Variants in ST13 observed in about 807,000 individuals in gnomAD.
ST13 encodes the protein ST13 Hsp70 interacting protein.
Under a neutral mutation model 56.7 loss-of-function variants are expected in ST13, and 23 were observed. The observed-to-expected ratio is 0.41, with a 90% CI of 0.29 to 0.57. ST13 has a LOEUF of 0.57. Among genes scored for constraint, ST13 ranks in the 20% least tolerant of loss-of-function variants. The pLI, the probability that ST13 is intolerant of heterozygous loss-of-function variation, is 0.36. For missense variants in ST13, 369 were observed against 459.9 expected (o/e 0.80, Z 1.81); for synonymous variants, 132 against 142.4 (o/e 0.93, Z 0.52).
At chr22:40,831,067 C>G in intron 8 of ST13, 111 bp from the exon 9 acceptor site, 2 of 744,554 alleles carry the variant, frequency 2.7e-6, no homozygotes, top group South Asian at 3.7e-5. Flanking sequence ...AGAAAAATGA[C>G]AGATTTGTCT....
At position 40,824,537 on chromosome 22, in the gene ST13, G is replaced by A. The variant is rs531606599; in HGVS notation, c.*2001C>T. Reference sequence around the variant, plus strand: ...GAAAACATTTCTGGTTTAGAATATTGAGTTGAAAATTAAGAATGTATATTA... The same window carrying A: ...GAAAACATTTCTGGTTTAGAATATTAAGTTGAAAATTAAGAATGTATATTA... On this transcript the variant is annotated 3_prime_UTR_variant, in exon 12 of 12. Coordinates refer to ENST00000216218, the MANE Select transcript of ST13 (RefSeq NM_003932.5). 3 of 152,268 alleles carry A rather than the reference G, an allele frequency of 2.0e-5. No homozygotes were observed. The highest frequency in any genetic ancestry group is 7.2e-5 in the African/African-American group (3 of 41,546). 9.4% of individuals were successfully genotyped at this position (152,268 alleles called of 1,614,324 possible).
chr22:40,840,729 A>G (rs769789862), intron 4 of ST13, 37 bp from the exon 5 acceptor site: 3 of 1,558,230 alleles, frequency 1.9e-6, no homozygotes, highest in Non-Finnish European at 2.6e-6. Flanking sequence ...GAATTAGTAG[A>G]GAGAGAGAGA....
rs1313281633 is a variant in ST13, at chr22:40,829,606, T to C, written c.847+20A>G. ...ACTGTATAATAGAACAAAACAGTTTTAACTTTTCTTTAAATATACCTGGAA... is the reference window on the plus strand; with the variant it reads ...ACTGTATAATAGAACAAAACAGTTTCAACTTTTCTTTAAATATACCTGGAA... On this transcript the variant is annotated intron_variant, in intron 10 of 11. Transcript: ENST00000216218. 11 of 1,379,130 alleles carry C rather than the reference T, an allele frequency of 8.0e-6. No individual in the cohort carries two copies. The highest frequency in any genetic ancestry group is 1.1e-5 in the Non-Finnish European group (11 of 1,029,878). 85.4% of individuals were successfully genotyped at this position (1,379,130 alleles called of 1,614,324 possible). A position where few individuals can be genotyped will look rare whatever the true frequency, so the allele number is the denominator to read the frequency against.
intron 3 of ST13, among the ~76,000 whole-genome samples, chr22:40,845,880 TGACA>T (rs2057828715): frequency 6.6e-6 from 1 of 152,178 alleles, no homozygotes; most frequent in African/African-American, 2.4e-5. Context: ...GACGCATGAC[TGACA>T]AACTATATAT....
Position 40,850,860 on chromosome 22 carries a change from G to A in ST13, c.131C>T (p.Pro44Leu), listed in dbSNP as rs758525095. The A allele has an allele frequency of 2.5e-6, 4 of 1,601,854 alleles. No individual in the cohort carries two copies. Among genetic ancestry groups the A allele is most frequent in the South Asian group, 1.1e-5 (1 of 88,790 alleles). The stretch of plus-strand genomic sequence containing the variant: ...TTCTGATTTAGCTTTCTGAGTAGCA[G>A]GTGGTACTTTACCACCCATGCTTGA... ...WVESMGGKVPPATQKAKSEEN... is the reference protein window; with the variant it reads ...WVESMGGKVPLATQKAKSEEN... The change falls in exon 2 of 12, where the codon CCT (proline) becomes CTT (leucine). Residue 44 changes from proline to leucine, a missense_variant. Transcript: ENST00000216218.
intron 9 of ST13, 76 bp from the exon 10 acceptor site, chr22:40,829,750 C>A (rs2057745457): frequency 4.0e-6 from 3 of 758,774 alleles, no homozygotes; most frequent in Non-Finnish European, 5.8e-6. Flanking sequence ...CCATGCAAGA[C>A]CATGAAAAAA....
rs1315211780 is a variant in ST13 at position 40,826,655 on chromosome 22, A to G, written c.993T>C (p.Val331=). The part of the protein sequence containing the change: ...EVLAAMQDPE[V]MVAFQDVAQN... ...GAGCCACATCCTGGAAAGCCACCAT[A>G]ACTTCTGGATCCTGAAAAGAAAGGG... The change falls in exon 12 of 12, where the codon GTT becomes GTC. Residue 331 remains valine, a synonymous_variant. Transcript: ENST00000216218. 1.9e-5 allele frequency: 30 copies of G among 1,609,904 alleles called. No individual in the cohort carries two copies. Among genetic ancestry groups the G allele is most frequent in the Non-Finnish European group, 2.4e-5 (28 of 1,179,804 alleles).
rs191782051 is a variant in ST13, at chr22:40,854,304, A to C, written c.110+2127T>G. On this transcript the variant is annotated intron_variant, in intron 1 of 11. Transcript: ENST00000216218. ...TCAGAGTTTATAAAAATCTTAGTTT[A>C]AATACAGAAATAAAGAGAAAAAGCT... Among the ~76,000 whole-genome samples the C allele has an allele frequency of 1.2e-3, 188 of 152,364 alleles. 1 individual carries two copies. Among genetic ancestry groups the C allele is most frequent in the Non-Finnish European group, 1.8e-4 (12 of 68,034 alleles).
At chr22:40,846,013 C>T (rs147954583) in intron 3 of ST13, among the ~76,000 whole-genome samples, 1 of 152,166 alleles carries the variant, frequency 6.6e-6, no homozygotes, top group East Asian at 1.9e-4. Context: ...CTTGGCTCAC[C>T]GTAACCTCTG....
At chr22:40,831,584 T>G (rs997289470) in intron 8 of ST13, among the ~76,000 whole-genome samples, 3 of 152,180 alleles carry the variant, frequency 2.0e-5, no homozygotes, top group African/African-American at 7.2e-5. Context: ...TGTTTACACT[T>G]TGCTGACAAA....
At chr22:40,843,182 C>G (rs1350656370) in intron 4 of ST13, among the ~76,000 whole-genome samples, 1 of 152,110 alleles carries the variant, frequency 6.6e-6, no homozygotes, top group African/African-American at 2.4e-5. Flanking sequence ...ATTTTAAAAA[C>G]ACCTAAAAAT....
chr22:40,826,741 TCTTA>T (rs975468474), intron 11 of ST13, 75 bp from the exon 12 acceptor site: 2 of 1,537,376 alleles, frequency 1.3e-6, no homozygotes, highest in Non-Finnish European at 1.8e-6. Context: ...AAATTCCATC[TCTTA>T]TTTAGACCTG....
intron 7 of ST13, 152 bp downstream of exon 7, chr22:40,835,408 G>T: frequency 5.1e-6 from 3 of 585,126 alleles, no homozygotes; most frequent in South Asian, 5.3e-5. Flanking sequence ...TTAAGCAGCT[G>T]TCTACAAGCT....
intron 2 of ST13, among the ~76,000 whole-genome samples, 154 bp downstream of exon 2, chr22:40,850,669 A>C (rs1373540715): frequency 6.6e-6 from 1 of 152,208 alleles, no homozygotes; most frequent in East Asian, 1.9e-4. Context: ...TCGGGTCTAC[A>C]AAGTTATAAA....
chr22:40,835,795 GT>G lies in ST13; in HGVS notation c.467+7del. 1.2e-6 allele frequency: 2 copies of G among 1,613,420 alleles called. No individual in the cohort carries two copies. Among genetic ancestry groups the G allele is most frequent in the Non-Finnish European group, 1.7e-6 (2 of 1,179,450 alleles). ...GCCAGGGGATGCTTTTCTGTTTAGA[GT>G]TCTCACCTGGCCCTCTTGGCATACA... On this transcript the variant is annotated splice_region_variant and intron_variant, in intron 6 of 11. Transcript: ENST00000216218.
chr22:40,844,791 C>A (rs2057822534), intron 4 of ST13, 48 bp downstream of exon 4: 1 of 1,446,772 alleles, frequency 6.9e-7, no homozygotes, highest in African/African-American at 1.4e-5. Flanking sequence ...AACAGCAGGA[C>A]CTTTCACATT....
In ST13 at chr22:40,852,679, T is replaced by A. The variant is rs559917953; in HGVS notation, c.111-1799A>T. ...CCCTTAATATGGAATAGCTCCCATGTCAAACATAAAGATTATATGATCCAA... is the reference window on the plus strand; with the variant it reads ...CCCTTAATATGGAATAGCTCCCATGACAAACATAAAGATTATATGATCCAA... On this transcript the variant is annotated intron_variant, in intron 1 of 11. Transcript: ENST00000216218. Among the ~76,000 whole-genome samples the A allele has an allele frequency of 2.6e-5, 4 of 152,336 alleles. No individual in the cohort carries two copies. In the South Asian group the frequency reaches 8.3e-4, roughly 32 times the overall value.
intron 8 of ST13, among the ~76,000 whole-genome samples, chr22:40,831,477 G>C (rs1165319062): frequency 2.0e-5 from 3 of 152,180 alleles, no homozygotes; most frequent in Non-Finnish European, 4.4e-5. Context: ...ATGTAAATAT[G>C]TATACCAGAC....
chr22:40,839,357 C>A (rs1218380945), intron 5 of ST13, among the ~76,000 whole-genome samples: 1 of 152,146 alleles, frequency 6.6e-6, no homozygotes, highest in Non-Finnish European at 1.5e-5. Context: ...TCAACTATGG[C>A]ATTGTGACAC....
Sources: allele counts gnomAD v4.1 joint callset (sites outside exome capture counted in the v4.1 genomes callset), GRCh38; gene constraint gnomAD v4.1.1; transcripts MANE v1.5; gene names NCBI Gene and HGNC (gene_info 2026-07-23, HGNC 2026-07-21).